ANKIB1: variants seen among roughly 807,000 people sequenced by gnomAD.
ANKIB1 encodes ankyrin repeat and IBR domain containing 1, also known as ankyrin repeat and IBR domain-containing protein 1.
Under a neutral mutation model 122.1 loss-of-function variants are expected in ANKIB1, and 43 were observed. The ratio of observed to expected loss-of-function variants is 0.35; its 90% CI spans 0.28 to 0.45. The LOEUF (loss-of-function observed/expected upper bound fraction) is 0.45, where lower values mean the gene tolerates loss of function less well. Ranked by LOEUF, ANKIB1 falls within the 20% of genes least tolerant of loss-of-function variation. ANKIB1 has a pLI of 1.00. For missense variants in ANKIB1, 992 were observed against 1,329.5 expected (o/e 0.75, Z 3.95); for synonymous variants, 390 against 442.0 (o/e 0.88, Z 1.48).
intron 10 of ANKIB1, among the ~76,000 whole-genome samples, chr7:92,363,012 C>T (rs377512014): frequency 2.4e-4 from 36 of 151,518 alleles, no homozygotes; most frequent in African/African-American, 8.7e-4. Flanking sequence ...CAACTGTTTT[C>T]TCTCAAAAAA....
intron 11 of ANKIB1, among the ~76,000 whole-genome samples, chr7:92,373,863 T>C (rs969223066): frequency 1.3e-5 from 2 of 152,238 alleles, no homozygotes; most frequent in Admixed American, 1.3e-4. Flanking sequence ...AAAAACACTT[T>C]TTAAAATTTC....
intron 1 of ANKIB1, among the ~76,000 whole-genome samples, chr7:92,269,762 C>G (rs1361068767): frequency 1.3e-5 from 2 of 151,938 alleles, no homozygotes; most frequent in South Asian, 2.1e-4. Flanking sequence ...ACTATCTCTT[C>G]TATAACTATC....
At chr7:92,342,892 A>T (rs1803466747) in intron 5 of ANKIB1, 132 bp from the exon 6 acceptor site, 1 of 699,110 alleles carries the variant, frequency 1.4e-6, no homozygotes, top group Non-Finnish European at 2.5e-6. Flanking sequence ...ATTCATTTGC[A>T]GTTACTACTT....
chr7:92,352,547 G>A lies in ANKIB1; in HGVS notation c.1302G>A (p.Thr434=), dbSNP rs141740928. ...GCTGTGACAGAGCAGTAAGACTAAC[G>A]AAACAAGGGTCAAATACATCTGGAT... ...TPGCDRAVRL[T]KQGSNTSGSD... Residue 434 remains threonine, a synonymous_variant, in exon 9 of 20, where the codon ACG becomes ACA. Coordinates refer to ENST00000265742, the MANE Select transcript of ANKIB1 (RefSeq NM_019004.2). The A allele has an allele frequency of 2.4e-5, 38 of 1,613,746 alleles. No individual in the cohort carries two copies. Among genetic ancestry groups the A allele is most frequent in the South Asian group, 2.3e-4 (21 of 91,028 alleles).
chr7:92,277,723 G>T (rs1182085018), intron 1 of ANKIB1, among the ~76,000 whole-genome samples: 2 of 152,136 alleles, frequency 1.3e-5, no homozygotes, highest in Non-Finnish European at 2.9e-5. Flanking sequence ...AGTGCCAGAG[G>T]ATCGCTTGAG....
chr7:92,267,528 CT>C (rs1801697719), intron 1 of ANKIB1, among the ~76,000 whole-genome samples: 1 of 152,084 alleles, frequency 6.6e-6, no homozygotes, highest in Admixed American at 6.6e-5. Flanking sequence ...GATATATATA[CT>C]CCTAAAAAAT....
chr7:92,348,353 A>G (rs1160733985), intron 7 of ANKIB1, among the ~76,000 whole-genome samples: 2 of 150,932 alleles, frequency 1.3e-5, no homozygotes, highest in East Asian at 3.9e-4. Flanking sequence ...GGAACTCTAC[A>G]GTTAACAGTT....
Position 92,286,958 on chromosome 7 carries a change from C to G in ANKIB1, c.-90-7931C>G, listed in dbSNP as rs1312369946. Among the ~76,000 whole-genome samples, 3 of 152,170 alleles carry G rather than the reference C, an allele frequency of 2.0e-5. No individual in the cohort carries two copies. In the East Asian group the frequency reaches 5.8e-4, roughly 29 times the overall value. ...TGGTACAAGAACCTATCAGCTGTTG[C>G]CTGATTAACCCTAGTAACCTGCAAA... On this transcript the variant is annotated intron_variant, in intron 1 of 19. Transcript: ENST00000265742.
intron 7 of ANKIB1, among the ~76,000 whole-genome samples, chr7:92,348,875 A>C (rs2131981878): frequency 6.6e-6 from 1 of 152,354 alleles, no homozygotes; most frequent in South Asian, 2.1e-4. Flanking sequence ...AAATCAAGGA[A>C]GATAAAAACT....
intron 1 of ANKIB1, among the ~76,000 whole-genome samples, chr7:92,255,060 C>G (rs1199708016): frequency 3.3e-5 from 5 of 152,324 alleles, no homozygotes; most frequent in Non-Finnish European, 7.3e-5. Context: ...ATGTGACTTG[C>G]TCCTCCTTGC....
At chr7:92,360,083 T>C (rs1803909097) in intron 9 of ANKIB1, among the ~76,000 whole-genome samples, 1 of 151,914 alleles carries the variant, frequency 6.6e-6, no homozygotes, top group Non-Finnish European at 1.5e-5. Context: ...CATTTTTTTT[T>C]ACCATGTAAC....
intron 11 of ANKIB1, among the ~76,000 whole-genome samples, chr7:92,380,919 A>C (rs1804498513): frequency 6.6e-6 from 1 of 152,250 alleles, no homozygotes; most frequent in Admixed American, 6.5e-5. Context: ...GACAGTTGAC[A>C]GAAGTAGGCT....
At chr7:92,268,839 C>A (rs968824282) in intron 1 of ANKIB1, among the ~76,000 whole-genome samples, 1 of 152,142 alleles carries the variant, frequency 6.6e-6, no homozygotes, top group African/African-American at 2.4e-5. Flanking sequence ...TATTTCCTTT[C>A]GGCTTGCATC....
intron 10 of ANKIB1, among the ~76,000 whole-genome samples, chr7:92,370,508 CAAAAAAAAAAAAAAAA>C (rs34318038): frequency 3.0e-5 from 1 of 32,966 alleles, no homozygotes; most frequent in Non-Finnish European, 7.5e-5. Flanking sequence ...ACTCTTGTCT[CAAAAAAAAAAAAAAAA>C]AAAAAAAAAA....
intron 1 of ANKIB1, among the ~76,000 whole-genome samples, chr7:92,292,988 G>A (rs942353773): frequency 1.3e-5 from 2 of 152,014 alleles, no homozygotes; most frequent in African/African-American, 2.4e-5. Flanking sequence ...CAATAATAAC[G>A]CTTAAAAAAC....
At position 92,397,719 on chromosome 7, in the gene ANKIB1, A is replaced by G. The variant is rs1376717537; in HGVS notation, c.2396-4A>G. On this transcript the variant is annotated splice_region_variant and splice_polypyrimidine_tract_variant and intron_variant, in intron 18 of 19. Transcript: ENST00000265742. ...TGTCTTTGGTACCAATTGCTTTGAA[A>G]CAGATATTCCAGAAGGCGGCAGCAG... 1 of 1,610,218 alleles carries G rather than the reference A, an allele frequency of 6.2e-7. No individual in the cohort carries two copies. The highest frequency in any genetic ancestry group is 1.3e-5 in the African/African-American group (1 of 74,590).
intron 2 of ANKIB1, 50 bp from the exon 3 acceptor site, chr7:92,307,309 A>G (rs1294101611): frequency 6.7e-7 from 1 of 1,500,372 alleles, no homozygotes; most frequent in East Asian, 2.4e-5. Context: ...ATTTCAAGGT[A>G]GAAAATAAGT....
At chr7:92,384,036 C>CA (rs1432178854) in intron 11 of ANKIB1, among the ~76,000 whole-genome samples, 1 of 152,190 alleles carries the variant, frequency 6.6e-6, no homozygotes, top group Non-Finnish European at 1.5e-5. Context: ...GCAACTTCAG[C>CA]AAAGTCTCAA....
chr7:92,251,410 T>G (rs555292286), intron 1 of ANKIB1, among the ~76,000 whole-genome samples: 5 of 152,352 alleles, frequency 3.3e-5, no homozygotes, highest in Non-Finnish European at 5.9e-5. Context: ...AGGGTTTTCA[T>G]TCTGTTTCCT....
Sources: gnomAD v4.1 joint callset for allele counts (sites outside exome capture counted in the v4.1 genomes callset) on GRCh38, gnomAD v4.1.1 for gene constraint, MANE v1.5 for transcripts, NCBI Gene and HGNC (gene_info 2026-07-23, HGNC 2026-07-21) for gene names.